The following LTN1 variants were observed in gnomAD, a reference collection of about 807,000 sequenced individuals.
LTN1 encodes the protein E3 ubiquitin-protein ligase listerin.
A neutral mutation model predicts 201.2 loss-of-function variants in LTN1; 88 were observed. That is an observed-to-expected ratio of 0.44 (90% CI 0.37 to 0.52). LTN1 has a LOEUF of 0.52. Among genes scored for constraint, LTN1 ranks in the 20% least tolerant of loss-of-function variants. LTN1 has a pLI of 0.00. For synonymous variants in LTN1, 645 were observed against 713.5 expected, an observed-to-expected ratio of 0.90 and a Z score of 1.53; for missense variants, 1,752 against 2,038.7, an observed-to-expected ratio of 0.86 and a Z score of 2.71.
chr21:28,983,050 T>C (rs1374625862), intron 4 of LTN1, among the ~76,000 whole-genome samples: 1 of 152,196 alleles, frequency 6.6e-6, no homozygotes, highest in Non-Finnish European at 1.5e-5. Context: ...CTAGAACCAA[T>C]GGTGTGACCC....
At chr21:28,965,693 G>A (rs2084515628) in intron 11 of LTN1, among the ~76,000 whole-genome samples, 172 bp downstream of exon 11, 1 of 151,982 alleles carries the variant, frequency 6.6e-6, no homozygotes, top group South Asian at 2.1e-4. Context: ...TACAGGAAAG[G>A]AAAAGAACAA....
intron 28 of LTN1, among the ~76,000 whole-genome samples, chr21:28,931,907 G>A (rs1163134216): frequency 6.6e-6 from 1 of 152,156 alleles, no homozygotes; most frequent in Non-Finnish European, 1.5e-5. Flanking sequence ...TGGAAGCTGA[G>A]GCAGCAGAAT....
intron 19 of LTN1, 152 bp downstream of exon 19, chr21:28,947,312 G>C (rs1346643546): frequency 5.5e-6 from 3 of 550,416 alleles, no homozygotes; most frequent in Non-Finnish European, 8.8e-6. Flanking sequence ...AATGGTAACA[G>C]CCACTGTCTA....
chr21:28,975,624 T>C (rs145019348), intron 6 of LTN1, among the ~76,000 whole-genome samples: 16 of 152,252 alleles, frequency 1.1e-4, no homozygotes, highest in African/African-American at 3.4e-4. Flanking sequence ...TCCATGGGGA[T>C]GAAAAAAACA....
chr21:28,977,229 C>G (rs1421098005), intron 6 of LTN1, among the ~76,000 whole-genome samples: 1 of 152,048 alleles, frequency 6.6e-6, no homozygotes, highest in Non-Finnish European at 1.5e-5. Flanking sequence ...CAAAAATTAG[C>G]TGGGCGTGGT....
In LTN1 at chr21:28,966,956, A is replaced by G. The variant is rs763361839; in HGVS notation, c.1535T>C (p.Val512Ala). The G allele has an allele frequency of 2.2e-5, 35 of 1,613,728 alleles. No individual in the cohort carries two copies. The highest frequency in any genetic ancestry group is 2.7e-5 in the African/African-American group (2 of 74,816). ...CTGTAATAGGTTAGATACACCCAAA[A>G]CGGACTCAACATCAGCTTCTGGCTC... ...ISEPEADVES[V>A]LGVSNLLQVL... Residue 512 changes from valine (V) to alanine (A), a missense_variant, in exon 10 of 30, where the codon GTT becomes GCT. Val to Ala is a moderately conservative substitution (Grantham distance 64). Coordinates refer to ENST00000361371, the MANE Select transcript of LTN1 (RefSeq NM_015565.3).
chr21:28,943,130 G>T, intron 24 of LTN1, 132 bp downstream of exon 24: 1 of 516,062 alleles, frequency 1.9e-6, no homozygotes, highest in Non-Finnish European at 3.5e-6. Context: ...ATATCTTACA[G>T]ATAACTAAAA....
chr21:28,957,378 G>A lies in LTN1; in HGVS notation c.2846C>T (p.Pro949Leu), dbSNP rs370734167. ...LMGVYIGSVMPNDSEWEKMRQ... is the reference protein window; with the variant it reads ...LMGVYIGSVMLNDSEWEKMRQ... ...CATCTTTTCCCATTCACTGTCGTTC[G>A]GCATTACACTTCCAATATAAACTCC... The change falls in exon 15 of 30, where the codon CCG (proline) becomes CTG (leucine). Residue 949 changes from proline (P) to leucine (L), a missense_variant. By Grantham distance (98) the Pro-to-Leu change is moderately conservative. Around this residue, in one of 3 missense-constraint regions of LTN1, gnomAD observed 1,211 missense variants for 1,312.8 expected, o/e 0.92. Transcript: ENST00000361371. 7.5e-6 allele frequency: 12 copies of A among 1,604,316 alleles called. No homozygotes were observed. Among genetic ancestry groups the A allele is most frequent in the East Asian group, 4.5e-5 (2 of 44,614 alleles).
intron 4 of LTN1, among the ~76,000 whole-genome samples, chr21:28,982,812 G>A (rs2084669174): frequency 6.6e-6 from 1 of 152,354 alleles, no homozygotes; most frequent in African/African-American, 2.4e-5. Context: ...TGCAGTGCAA[G>A]GGAGTCCACT....
At chr21:28,960,947 C>CA in intron 11 of LTN1, 1 of 279,454 alleles carries the variant, frequency 3.6e-6, no homozygotes, top group Non-Finnish European at 6.4e-6. Context: ...CCACCCCCCC[C>CA]TTTTTTTTTT....
At chr21:28,959,827 A>C (rs2084460113) in intron 12 of LTN1, 130 bp from the exon 13 acceptor site, 1 of 741,346 alleles carries the variant, frequency 1.3e-6, no homozygotes, top group African/African-American at 1.8e-5. Context: ...AATTTTATCA[A>C]CAAATCAACA....
rs61753615 is a variant in LTN1 at position 28,970,695 on chromosome 21, T to C, written c.1032A>G (p.Leu344=). 0.017 allele frequency: 27,877 copies of C among 1,613,954 alleles called. 1,040 individuals are homozygous for C. The East Asian group carries it at 0.18, about 11-fold the overall frequency. ...GACCACCTTCACGAATCACAGTTGA[T>C]AGCTTGGGAAACACACTCTTTTTTG... The part of the protein sequence containing the change: ...VNAKKSVFPK[L]STVIREGGRG... The change falls in exon 8 of 30, where the codon CTA becomes CTG. Residue 344 remains leucine, a synonymous_variant. Transcript: ENST00000361371.
chr21:28,962,852 A>G (rs1202553692), intron 11 of LTN1, among the ~76,000 whole-genome samples: 3 of 152,250 alleles, frequency 2.0e-5, no homozygotes, highest in Non-Finnish European at 4.4e-5. Context: ...TGAGCCCAAG[A>G]GTAACAGAAA....
intron 10 of LTN1, 57 bp downstream of exon 10, chr21:28,966,313 G>A (rs2084521881): frequency 1.5e-6 from 2 of 1,353,462 alleles, no homozygotes; most frequent in Admixed American, 2.2e-5. Flanking sequence ...ACAATAAGCA[G>A]GCTCATTCTA....
intron 1 of LTN1, among the ~76,000 whole-genome samples, chr21:28,988,141 C>CAAA (rs1271726378): frequency 5.3e-4 from 41 of 77,888 alleles, no homozygotes; most frequent in Middle Eastern, 9.6e-3. Flanking sequence ...GACTCTGTCT[C>CAAA]AAAAAAAAAA....
intron 18 of LTN1, among the ~76,000 whole-genome samples, chr21:28,948,270 C>CTTTTT (rs869195177): frequency 1.6e-5 from 2 of 126,662 alleles, no homozygotes; most frequent in South Asian, 2.6e-4. Context: ...TCTTTTCTTT[C>CTTTTT]TTTTTTTTTT....
At chr21:28,958,756 G>A (rs1439059152) in intron 13 of LTN1, among the ~76,000 whole-genome samples, 1 of 152,002 alleles carries the variant, frequency 6.6e-6, no homozygotes, top group Non-Finnish European at 1.5e-5. Context: ...AATGTAAAAT[G>A]GTAAGATTTT....
intron 1 of LTN1, among the ~76,000 whole-genome samples, chr21:28,988,636 AG>A (rs2084720269): frequency 1.3e-5 from 2 of 152,168 alleles, no homozygotes; most frequent in East Asian, 1.9e-4. Flanking sequence ...ATTCCAAAAA[AG>A]GTTCTCTATT....
chr21:28,953,996 G>T (rs903102418), intron 16 of LTN1, among the ~76,000 whole-genome samples: 5 of 152,152 alleles, frequency 3.3e-5, no homozygotes, highest in African/African-American at 1.2e-4. Flanking sequence ...AGCTTTTGGA[G>T]TCAGAAGCAT....
Sources: allele counts gnomAD v4.1 joint callset (sites outside exome capture counted in the v4.1 genomes callset), GRCh38; gene constraint gnomAD v4.1.1; regional missense constraint gnomAD v4.1.1; transcripts MANE v1.5; gene names NCBI Gene and HGNC (gene_info 2026-07-23, HGNC 2026-07-21).